Variants in FLNB observed in about 807,000 individuals in gnomAD.
FLNB encodes filamin-B.
A neutral mutation model predicts 250.6 loss-of-function variants in FLNB; 111 were observed. The ratio of observed to expected loss-of-function variants is 0.44; its 90% CI spans 0.38 to 0.52. The LOEUF (loss-of-function observed/expected upper bound fraction) is 0.52, where lower values mean the gene tolerates loss of function less well. Ranked by LOEUF, FLNB falls within the 20% of genes least tolerant of loss-of-function variation. The pLI is 0.00. For synonymous variants in FLNB, 1,302 were observed against 1,372.1 expected (o/e 0.95, Z 1.13); for missense variants, 2,869 against 3,447.8 (o/e 0.83, Z 4.20).
chr3:58,109,198 T>C lies in FLNB; in HGVS notation c.2075T>C (p.Ile692Thr). Residue 692 changes from isoleucine to threonine, a missense_variant, in exon 14 of 46, where the codon ATT becomes ACT. Around this residue, in one of 5 missense-constraint regions of FLNB, gnomAD observed 1,348 missense variants for 1,466.7 expected, o/e 0.92. Coordinates refer to ENST00000295956, the MANE Select transcript of FLNB (RefSeq NM_001457.4). ...IFAQDGEGQRIDIQMKNRMDG... is the reference protein window; with the variant it reads ...IFAQDGEGQRTDIQMKNRMDG... ...TTGCAGGATGGGGAAGGCCAACGCA[T>C]TGACATCCAGATGAAGAACCGGATG... is the stretch of plus-strand genomic sequence containing the variant. The C allele has an allele frequency of 6.2e-7, 1 of 1,614,154 alleles. No individual in the cohort carries two copies. Among genetic ancestry groups the C allele is most frequent in the East Asian group, 2.2e-5 (1 of 44,860 alleles).
chr3:58,078,518 C>T, intron 2 of FLNB, 199 bp from the exon 3 acceptor site: 1 of 1,536,408 alleles, frequency 6.5e-7, no homozygotes, highest in Non-Finnish European at 8.7e-7. Context: ...GGAGAAGTCT[C>T]AGTAATGGAG....
chr3:58,033,078 C>T (rs903395476), intron 1 of FLNB, among the ~76,000 whole-genome samples: 2 of 152,078 alleles, frequency 1.3e-5, no homozygotes, highest in Admixed American at 6.6e-5. Context: ...GTCTCAATCT[C>T]CCCACCCCTG....
intron 29 of FLNB, among the ~76,000 whole-genome samples, chr3:58,139,599 C>T (rs1010075836): frequency 6.6e-6 from 1 of 152,174 alleles, no homozygotes; most frequent in South Asian, 2.1e-4. Flanking sequence ...TCTGGAGGCT[C>T]TTTTATGTCT....
chr3:58,148,941 CT>C, intron 36 of FLNB, 89 bp downstream of exon 36: 1 of 1,164,306 alleles, frequency 8.6e-7, no homozygotes. Context: ...CTACCAACTC[CT>C]TTTCCTTTCT....
intron 1 of FLNB, among the ~76,000 whole-genome samples, chr3:58,045,999 C>CAAAAA (rs34327981): frequency 4.3e-5 from 3 of 69,006 alleles, no homozygotes; most frequent in Non-Finnish European, 7.8e-5. Context: ...ACTCCGTCTC[C>CAAAAA]AAAAAAAAAA....
rs983695359 is a variant in FLNB at position 58,124,442 on chromosome 3, G to A, written c.3835G>A (p.Glu1279Lys). 1.2e-5 allele frequency: 19 copies of A among 1,614,102 alleles called. No individual in the cohort carries two copies. Among genetic ancestry groups the A allele is most frequent in the South Asian group, 7.7e-5 (7 of 91,082 alleles). Residue 1279 changes from glutamate to lysine, a missense_variant, in exon 22 of 46, where the codon GAG becomes AAG. Transcript: ENST00000295956. ...HIANPSGAST[E>K]CFVTDNADGT... ...TGCCAACCCCTCAGGGGCCTCCACC[G>A]AGTGCTTTGTCACAGACAATGCGGA...
intron 3 of FLNB, among the ~76,000 whole-genome samples, chr3:58,079,255 A>AT (rs11373019): frequency 0.55 from 81,082 of 146,214 alleles, 24,262 homozygotes; most frequent in African/African-American, 0.81. Flanking sequence ...AGGACTTAAA[A>AT]TTTTTTTTTT....
chr3:58,070,662 T>C lies in FLNB; in HGVS notation c.293-6384T>C, dbSNP rs201270029. ...ACACCCCATCTCTCTCTCTCTCTCT[T>C]TTTTTTTTTTTTTTTGAAACGGAGT... On this transcript the variant is annotated intron_variant, in intron 1 of 45. Coordinates refer to ENST00000295956, the MANE Select transcript of FLNB (RefSeq NM_001457.4). Among the ~76,000 whole-genome samples, 545 of 92,476 alleles carry C rather than the reference T, an allele frequency of 5.9e-3. 6 individuals carry two copies. Among genetic ancestry groups the C allele is most frequent in the Admixed American group, 0.035 (293 of 8,436 alleles). The allele number at this position is 92,476 out of a possible 152,430, so 60.7% of individuals were successfully genotyped here. A position where few individuals can be genotyped will look rare whatever the true frequency, so the allele number is the denominator to read the frequency against.
intron 43 of FLNB, chr3:58,163,621 A>G (rs1379336879): frequency 1.5e-5 from 7 of 454,152 alleles, no homozygotes. Context: ...CAGGATGCTG[A>G]TAGTCAGGGA....
intron 18 of FLNB, among the ~76,000 whole-genome samples, chr3:58,118,005 G>C (rs3732635): frequency 0.11 from 16,594 of 152,118 alleles, 1,160 homozygotes; most frequent in African/African-American, 0.19. Context: ...GTGGTGAAGG[G>C]GATCTTGATC....
Position 58,154,802 on chromosome 3 carries a change from A to G in FLNB, c.6646A>G (p.Ile2216Val), listed in dbSNP as rs763681950. The part of the protein sequence containing the change: ...GEAGVPAEFS[I>V]WTREAGAGGL... The stretch of plus-strand genomic sequence containing the variant: ...CTCTTTGCTCTCAGCTGAGTTCAGC[A>G]TTTGGACCCGGGAAGCAGGCGCTGG... Residue 2216 changes from isoleucine (I) to valine (V), a missense_variant, in exon 40 of 46, where the codon ATT becomes GTT. This residue lies in a region of FLNB where 1,084 missense variants were observed against 1,315.5 expected (regional missense o/e 0.82). Transcript: ENST00000295956. 1 of 1,614,048 alleles carries G rather than the reference A, an allele frequency of 6.2e-7. No homozygotes were observed. Among genetic ancestry groups the G allele is most frequent in the Non-Finnish European group, 8.5e-7 (1 of 1,179,988 alleles).
chr3:58,137,692 G>A (rs2097318859), intron 28 of FLNB, among the ~76,000 whole-genome samples: 1 of 152,208 alleles, frequency 6.6e-6, no homozygotes, highest in Admixed American at 6.5e-5. Flanking sequence ...GAGGTTGCAA[G>A]TCTCCCTTAG....
At chr3:58,162,007 G>A (rs2097362608) in intron 42 of FLNB, among the ~76,000 whole-genome samples, 1 of 152,198 alleles carries the variant, frequency 6.6e-6, no homozygotes, top group Non-Finnish European at 1.5e-5. Flanking sequence ...AAGGCTTAGT[G>A]AAGAAGGATT....
intron 38 of FLNB, chr3:58,151,195 C>G (rs1251989273): frequency 6.6e-6 from 1 of 152,008 alleles, no homozygotes; most frequent in Non-Finnish European, 1.5e-5. Context: ...AGTTCGAGAC[C>G]AGCCTGGCTA....
At chr3:58,152,536 C>T (rs372390805) in intron 38 of FLNB, among the ~76,000 whole-genome samples, 18 of 150,724 alleles carry the variant, frequency 1.2e-4, no homozygotes, top group Middle Eastern at 3.4e-3. Context: ...ATCACAGGGT[C>T]GCTCCACTTT....
chr3:58,117,130 C>T lies in FLNB; in HGVS notation c.2746-1742C>T, dbSNP rs79822012. Among the ~76,000 whole-genome samples, 1,350 of 152,220 alleles carry T rather than the reference C, an allele frequency of 8.9e-3. 20 individuals carry two copies. The highest frequency in any genetic ancestry group is 0.06 in the East Asian group (312 of 5,178). On this transcript the variant is annotated intron_variant, in intron 18 of 45. Coordinates refer to ENST00000295956, the MANE Select transcript of FLNB (RefSeq NM_001457.4). ...GAGAGTGAAACTGTCTTGCAGCCTG[C>T]GAAGTCGTGGCGAAATGCACTGGCC...
intron 1 of FLNB, among the ~76,000 whole-genome samples, chr3:58,051,814 C>T (rs10049407): frequency 0.061 from 9,307 of 152,020 alleles, 912 homozygotes; most frequent in African/African-American, 0.21. Context: ...GTCATATCCC[C>T]GGCATTAGCA....
chr3:58,093,905 G>A (rs529786036), intron 4 of FLNB, among the ~76,000 whole-genome samples: 2 of 152,274 alleles, frequency 1.3e-5, no homozygotes, highest in South Asian at 2.1e-4. Flanking sequence ...TTGATGTGAC[G>A]TTACCGAAAT....
chr3:58,142,853 C>T lies in FLNB; in HGVS notation c.5284+101C>T. The T allele has an allele frequency of 1.9e-6, 2 of 1,039,914 alleles. No individual in the cohort carries two copies. Among genetic ancestry groups the T allele is most frequent in the Non-Finnish European group, 3.0e-6 (2 of 673,716 alleles). 64.4% of individuals were successfully genotyped at this position (1,039,914 alleles called of 1,614,324 possible). Reference sequence around the variant, plus strand: ...GTCCACTGTCCCCCAGACCCAGGCTCCTTAACCCAGGGTCACGAGTTCTTG... The same window carrying T: ...GTCCACTGTCCCCCAGACCCAGGCTTCTTAACCCAGGGTCACGAGTTCTTG... On this transcript the variant is annotated intron_variant, in intron 31 of 45. Transcript: ENST00000295956. The surrounding 1 kb of genome is among the most constrained non-coding windows in gnomAD (Gnocchi z 4.3).
Sources: gnomAD v4.1 joint callset for allele counts (sites outside exome capture counted in the v4.1 genomes callset) on GRCh38, gnomAD v4.1.1 for gene constraint, gnomAD v4.1.1 regional missense constraint, Gnocchi (gnomAD v3.1) non-coding constraint, MANE v1.5 for transcripts, NCBI Gene and HGNC (gene_info 2026-07-23, HGNC 2026-07-21) for gene names.